The following SPAG1 variants were observed in gnomAD, a reference collection of about 807,000 sequenced individuals.
The protein encoded by SPAG1 is sperm associated antigen 1, also known as sperm-associated antigen 1.
Under a neutral mutation model 100.5 loss-of-function variants are expected in SPAG1, and 69 were observed. The ratio of observed to expected loss-of-function variants is 0.69; its 90% confidence interval spans 0.57 to 0.84. The LOEUF is 0.84. Ranked by LOEUF, SPAG1 falls within the 40% of genes least tolerant of loss-of-function variation. The probability of loss-of-function intolerance (pLI) is 0.00; values close to 1 mark genes in which losing one functional copy is unlikely to be tolerated. For missense variants in SPAG1, 955 were observed against 1,133.1 expected (o/e 0.84, Z 2.26); for synonymous variants, 336 against 411.6 (o/e 0.82, Z 2.22).
chr8:100,233,940 G>A (rs937906555), intron 16 of SPAG1, among the ~76,000 whole-genome samples: 2 of 152,212 alleles, frequency 1.3e-5, no homozygotes, highest in African/African-American at 4.8e-5. Flanking sequence ...GTGACCCAGC[G>A]GAAGTTGGGA....
chr8:100,219,594 A>T (rs1244693981), intron 12 of SPAG1, among the ~76,000 whole-genome samples: 2 of 152,250 alleles, frequency 1.3e-5, no homozygotes, highest in Admixed American at 6.5e-5. Context: ...TTATATGTAC[A>T]GTTTTTTTAT....
intron 14 of SPAG1, 108 bp downstream of exon 14, chr8:100,225,447 T>G: frequency 1.0e-6 from 1 of 999,554 alleles, no homozygotes; most frequent in Non-Finnish European, 1.5e-6. Flanking sequence ...CAGACCTAGG[T>G]TTAAGTGAAG....
intron 15 of SPAG1, among the ~76,000 whole-genome samples, chr8:100,232,831 G>T (rs1818839362): frequency 6.6e-6 from 1 of 152,140 alleles, no homozygotes; most frequent in Non-Finnish European, 1.5e-5. Flanking sequence ...TGCCCTTCGT[G>T]ATCTGGCCTG....
chr8:100,202,987 C>T (rs1038933833), intron 10 of SPAG1, among the ~76,000 whole-genome samples: 1 of 152,128 alleles, frequency 6.6e-6, no homozygotes, highest in Non-Finnish European at 1.5e-5. Flanking sequence ...GGCGTTTGTG[C>T]TGGTTAATAC....
intron 10 of SPAG1, among the ~76,000 whole-genome samples, 179 bp from the exon 11 acceptor site, chr8:100,212,911 G>A (rs1020329398): frequency 1.3e-5 from 2 of 151,910 alleles, no homozygotes; most frequent in Admixed American, 6.6e-5. Flanking sequence ...TCGAGGGAGC[G>A]GACTGGGCCG....
chr8:100,240,765 G>A lies in SPAG1; in HGVS notation c.2643G>A (p.Arg881=), dbSNP rs776484658. The part of the protein sequence containing the change: ...QHLLYLSKAE[R]FKMMLTLISK... ...TTTTATACCTGAGTAAAGCAGAAAG[G>A]TTTAAGGTAAGTGGCTAAGTATTTT... The change falls in exon 18 of 19, where the codon AGG becomes AGA. Residue 881 remains arginine, a synonymous_variant. Coordinates refer to ENST00000388798, the MANE Select transcript of SPAG1 (RefSeq NM_003114.5). The A allele has an allele frequency of 1.9e-6, 3 of 1,584,858 alleles. No individual in the cohort carries two copies. The highest frequency in any genetic ancestry group is 2.7e-5 in the African/African-American group (2 of 73,126).
At chr8:100,195,901 C>A (rs1204645974) in intron 10 of SPAG1, among the ~76,000 whole-genome samples, 1 of 152,140 alleles carries the variant, frequency 6.6e-6, no homozygotes, top group South Asian at 2.1e-4. Flanking sequence ...TTCAGTGAAA[C>A]CCTTCCCTCA....
intron 16 of SPAG1, among the ~76,000 whole-genome samples, chr8:100,235,784 C>T (rs1446618088): frequency 2.6e-5 from 4 of 152,086 alleles, no homozygotes; most frequent in Non-Finnish European, 4.4e-5. Flanking sequence ...TGACCCCCGC[C>T]CCATGCTGAG....
intron 1 of SPAG1, 103 bp downstream of exon 1, chr8:100,158,719 G>A: frequency 6.6e-6 from 1 of 152,146 alleles, no homozygotes; most frequent in East Asian, 1.9e-4. Flanking sequence ...TAGAAACAAA[G>A]ACTGCAAACA....
chr8:100,171,806 CAT>C (rs1207078158), intron 3 of SPAG1, among the ~76,000 whole-genome samples: 1 of 152,214 alleles, frequency 6.6e-6, no homozygotes, highest in African/African-American at 2.4e-5. Flanking sequence ...ACCATCACTC[CAT>C]ATATCTTACC....
chr8:100,162,438 AT>A lies in SPAG1; in HGVS notation c.140+20del. 6.5e-7 allele frequency: 1 copy of A among 1,546,668 alleles called. No homozygotes were observed. Among genetic ancestry groups the A allele is most frequent in the Non-Finnish European group, 8.7e-7 (1 of 1,147,454 alleles). On this transcript the variant is annotated intron_variant, in intron 2 of 18. Transcript: ENST00000388798. ...GTGCTCAGGTAAGCATTTTAAAATC[AT>A]TACATGTTTTAGTATGACAGTTTTA...
chr8:100,224,422 A>G (rs900005836), intron 13 of SPAG1, among the ~76,000 whole-genome samples: 37 of 152,226 alleles, frequency 2.4e-4, no homozygotes, highest in African/African-American at 7.7e-4. Context: ...CGTGCCTGTA[A>G]TCCCAGCTAC....
chr8:100,212,801 G>A (rs1038538339), intron 10 of SPAG1, among the ~76,000 whole-genome samples: 3 of 152,352 alleles, frequency 2.0e-5, no homozygotes, highest in Admixed American at 6.5e-5. Flanking sequence ...CTGAGATGCC[G>A]GTTTTCAGCC....
intron 12 of SPAG1, among the ~76,000 whole-genome samples, chr8:100,216,652 A>G (rs1818000999): frequency 3.9e-5 from 6 of 152,134 alleles, no homozygotes; most frequent in Admixed American, 2.6e-4. Flanking sequence ...GTAGAGACCG[A>G]CCTACTCAGA....
chr8:100,197,751 C>T (rs1414527182), intron 10 of SPAG1, among the ~76,000 whole-genome samples: 5 of 152,164 alleles, frequency 3.3e-5, no homozygotes, highest in South Asian at 4.2e-4. Context: ...GATCTCCACT[C>T]GGGTTGGCCA....
intron 4 of SPAG1, among the ~76,000 whole-genome samples, chr8:100,179,672 C>T (rs1442008207): frequency 6.6e-6 from 1 of 152,076 alleles, no homozygotes. Flanking sequence ...GCAGGCACCA[C>T]GTTGTATATA....
At position 100,210,192 on chromosome 8, in the gene SPAG1, T is replaced by G. The variant is rs527775837; in HGVS notation, c.1097-2898T>G. Reference sequence around the variant, plus strand: ...TCACTTCTATTCCTAGTTTTCTGAGTTTTTTTTTTTTTTAAATCATGAAAG... The same window carrying G: ...TCACTTCTATTCCTAGTTTTCTGAGGTTTTTTTTTTTTTAAATCATGAAAG... On this transcript the variant is annotated intron_variant, in intron 10 of 18. Transcript: ENST00000388798. Among the ~76,000 whole-genome samples the G allele has an allele frequency of 1.6e-3, 159 of 101,712 alleles. 1 individual carries two copies. Among genetic ancestry groups the G allele is most frequent in the Middle Eastern group, 0.012 (2 of 170 alleles). The allele number at this position is 101,712 out of a possible 152,430, so 66.7% of individuals were successfully genotyped here.
At chr8:100,187,891 C>T (rs974773296) in intron 8 of SPAG1, among the ~76,000 whole-genome samples, 4 of 152,142 alleles carry the variant, frequency 2.6e-5, no homozygotes, top group African/African-American at 9.7e-5. Flanking sequence ...CTCATTCTGT[C>T]ACCCAGGCTG....
chr8:100,184,412 C>T lies in SPAG1; in HGVS notation c.596-216C>T, dbSNP rs181916296. 1.7e-4 allele frequency among the ~76,000 whole-genome samples: 26 copies of T among 151,930 alleles called. No individual in the cohort carries two copies. The East Asian group carries it at 2.3e-3, about 14-fold the overall frequency. ...TTGGACTAGCACCTATAAAGTGAAA[C>T]GAAATCAATCATTAAAAAAATTCTG... is the stretch of plus-strand genomic sequence containing the variant. On this transcript the variant is annotated intron_variant, in intron 6 of 18. Coordinates refer to ENST00000388798, the MANE Select transcript of SPAG1 (RefSeq NM_003114.5).
Sources: gnomAD v4.1 joint callset for allele counts (sites outside exome capture counted in the v4.1 genomes callset) on GRCh38, gnomAD v4.1.1 for gene constraint, MANE v1.5 for transcripts, NCBI Gene and HGNC (gene_info 2026-07-23, HGNC 2026-07-21) for gene names.